Variants in TMEM184B observed in about 807,000 individuals in gnomAD.
TMEM184B encodes putative MAPK-activating protein FM08.
Under a neutral mutation model 41.8 loss-of-function variants are expected in TMEM184B, and 17 were observed. That is an observed-to-expected ratio of 0.41 (90% CI 0.28 to 0.61). The LOEUF (loss-of-function observed/expected upper bound fraction) is 0.61. Ranked by LOEUF, TMEM184B falls within the 20% of genes least tolerant of loss-of-function variation. TMEM184B has a pLI of 0.34. For missense variants in TMEM184B, 393 were observed against 557.8 expected (o/e 0.70, Z 2.98); for synonymous variants, 240 against 229.5 (o/e 1.05, Z -0.41).
intron 3 of TMEM184B, among the ~76,000 whole-genome samples, chr22:38,242,554 G>C (rs1446735700): frequency 6.6e-6 from 1 of 152,226 alleles, no homozygotes; most frequent in African/African-American, 2.4e-5. Context: ...GGCTGGATCT[G>C]CAGAGTTCTC....
chr22:38,241,903 A>AAAAAAAAAAAAAACC, intron 3 of TMEM184B, among the ~76,000 whole-genome samples: 1 of 149,884 alleles, frequency 6.7e-6, no homozygotes, highest in African/African-American at 2.4e-5. Flanking sequence ...AAAAAAAAAA[A>AAAAAAAAAAAAAACC]AAAAGAACGA....
In TMEM184B at chr22:38,271,163, G is replaced by A. The variant is rs369115152; in HGVS notation, c.-59+1721C>T. On this transcript the variant is annotated intron_variant, in intron 1 of 8. Transcript: ENST00000361906. The stretch of plus-strand genomic sequence containing the variant: ...CACCCACATTAGCTATTGGAGCCTC[G>A]TATCCAGATTGGGGTCACTAAATCA... Among the ~76,000 whole-genome samples the A allele has an allele frequency of 3.3e-5, 5 of 152,186 alleles. No homozygotes were observed. The East Asian group carries it at 7.7e-4, about 23-fold the overall frequency.
intron 3 of TMEM184B, chr22:38,231,722 C>T (rs2091630136): frequency 2.1e-5 from 8 of 376,600 alleles, no homozygotes; most frequent in South Asian, 4.3e-5. Flanking sequence ...TTAGTTTTTC[C>T]GGGCGCAGTG....
chr22:38,258,589 C>A (rs764545692), intron 1 of TMEM184B, among the ~76,000 whole-genome samples: 4 of 152,148 alleles, frequency 2.6e-5, no homozygotes, highest in African/African-American at 9.7e-5. Flanking sequence ...CATGAGCCAC[C>A]GTGCCCAGCC....
chr22:38,247,669 A>G (rs1333869521), intron 2 of TMEM184B, 101 bp downstream of exon 2: 1 of 1,396,764 alleles, frequency 7.2e-7, no homozygotes, highest in Non-Finnish European at 9.5e-7. Flanking sequence ...GGGCTTACCT[A>G]CTACTGCAGT....
intron 3 of TMEM184B, 186 bp from the exon 4 acceptor site, chr22:38,231,520 A>G: frequency 1.4e-6 from 1 of 708,996 alleles, no homozygotes; most frequent in Non-Finnish European, 2.6e-6. Context: ...TCCCACTCCT[A>G]AGTTCAAAAC....
intron 1 of TMEM184B, among the ~76,000 whole-genome samples, chr22:38,259,666 C>T (rs1316620771): frequency 1.3e-5 from 2 of 152,194 alleles, no homozygotes; most frequent in African/African-American, 2.4e-5. Flanking sequence ...GCCAACACCT[C>T]GATTTTAGTC....
intron 1 of TMEM184B, among the ~76,000 whole-genome samples, chr22:38,271,940 T>C (rs1175891004): frequency 6.6e-6 from 1 of 152,164 alleles, no homozygotes; most frequent in African/African-American, 2.4e-5. Flanking sequence ...CAGGTGCAGG[T>C]GAGCTTGTTT....
At chr22:38,256,977 G>GTTTTTTTT (rs777863582) in intron 1 of TMEM184B, among the ~76,000 whole-genome samples, 26 of 124,292 alleles carry the variant, frequency 2.1e-4, no homozygotes, top group African/African-American at 5.9e-4. Flanking sequence ...GACATTAATA[G>GTTTTTTTT]TTTTTTTTTT....
In TMEM184B at chr22:38,219,744, T is replaced by C; in HGVS notation, c.*1725A>G. 1 of 985,618 alleles carries C rather than the reference T, an allele frequency of 1.0e-6. No individual in the cohort carries two copies. Among genetic ancestry groups the C allele is most frequent in the Non-Finnish European group, 1.2e-6 (1 of 830,110 alleles). The allele number at this position is 985,618 out of a possible 1,614,324, so 61.1% of individuals were successfully genotyped here. A position where few individuals can be genotyped will look rare whatever the true frequency, so the allele number is the denominator to read the frequency against. ...CCTGGAGGGAGAAGGGAAGCCACGG[T>C]GGAGAGACAGCTTGGTGAAAGCAGA... On this transcript the variant is annotated 3_prime_UTR_variant, in exon 9 of 9. Transcript: ENST00000361906.
chr22:38,245,026 G>C (rs2091992385), intron 3 of TMEM184B, among the ~76,000 whole-genome samples: 1 of 152,234 alleles, frequency 6.6e-6, no homozygotes, highest in African/African-American at 2.4e-5. Context: ...GGGAGCAGGT[G>C]ATGTCTCCAC....
chr22:38,247,096 G>C (rs1420203027), intron 2 of TMEM184B, among the ~76,000 whole-genome samples: 1 of 152,136 alleles, frequency 6.6e-6, no homozygotes, highest in Non-Finnish European at 1.5e-5. Flanking sequence ...CTCCTCTGGG[G>C]CCACAAGTAC....
chr22:38,256,327 C>T (rs2092278462), intron 1 of TMEM184B, among the ~76,000 whole-genome samples: 2 of 151,988 alleles, frequency 1.3e-5, no homozygotes, highest in South Asian at 4.1e-4. Context: ...AATTCTCCTG[C>T]CTCAGCCTCC....
At chr22:38,271,347 T>C (rs941693560) in intron 1 of TMEM184B, among the ~76,000 whole-genome samples, 1 of 152,212 alleles carries the variant, frequency 6.6e-6, no homozygotes, top group African/African-American at 2.4e-5. Flanking sequence ...GGTTAAAGGA[T>C]GATTCCATCC....
At chr22:38,230,177 GCGGC>G (rs1268012025) in intron 5 of TMEM184B, among the ~76,000 whole-genome samples, 3 of 144,920 alleles carry the variant, frequency 2.1e-5, no homozygotes, top group Non-Finnish European at 4.5e-5. Context: ...GGAAGCTAGA[GCGGC>G]TGGACTGCCA....
chr22:38,246,720 AC>A, intron 2 of TMEM184B: 1 of 1,063,008 alleles, frequency 9.4e-7, no homozygotes, highest in Non-Finnish European at 1.2e-6. Context: ...CAGCTACCTC[AC>A]CAGGAAGTTA....
At chr22:38,261,108 C>T (rs574614318) in intron 1 of TMEM184B, among the ~76,000 whole-genome samples, 4 of 152,224 alleles carry the variant, frequency 2.6e-5, no homozygotes, top group Non-Finnish European at 2.9e-5. Context: ...CTGGGAATGA[C>T]AACGGGAATG....
intron 1 of TMEM184B, chr22:38,272,381 G>T: frequency 1.3e-6 from 1 of 756,502 alleles, no homozygotes; most frequent in Non-Finnish European, 1.6e-6. Flanking sequence ...CCAAACCTGC[G>T]GACCTGTGTG....
At chr22:38,249,714 C>T (rs79904193) in intron 1 of TMEM184B, among the ~76,000 whole-genome samples, 9,593 of 152,240 alleles carry the variant, frequency 0.063, 402 homozygotes, top group Non-Finnish European at 0.094. Flanking sequence ...AGGAGGCAGT[C>T]GATTTATGGG....
Sources: allele counts gnomAD v4.1 joint callset (sites outside exome capture counted in the v4.1 genomes callset), GRCh38; gene constraint gnomAD v4.1.1; transcripts MANE v1.5; gene names NCBI Gene and HGNC (gene_info 2026-07-23, HGNC 2026-07-21).